FAM184A: variants seen among roughly 807,000 people sequenced by gnomAD.
FAM184A encodes the protein protein FAM184A.
FAM184A carries 99 observed loss-of-function variants against 143.8 expected under a neutral mutation model. That is an observed-to-expected ratio of 0.69 (90% CI 0.58 to 0.81). The LOEUF (loss-of-function observed/expected upper bound fraction) is 0.81. Among genes scored for constraint, FAM184A ranks in the 40% least tolerant of loss-of-function variants. The pLI is 0.00. For missense variants in FAM184A, 1,217 were observed against 1,310.5 expected (o/e 0.93, Z 1.10); for synonymous variants, 427 against 446.4 (o/e 0.96, Z 0.55).
chr6:119,097,278 T>A (rs1788532174), intron 1 of FAM184A, among the ~76,000 whole-genome samples: 1 of 152,166 alleles, frequency 6.6e-6, no homozygotes, highest in Non-Finnish European at 1.5e-5. Flanking sequence ...CTCCACCTCT[T>A]TTCCTCTTCC....
intron 11 of FAM184A, among the ~76,000 whole-genome samples, chr6:118,978,076 G>A (rs984213013): frequency 1.3e-5 from 2 of 152,018 alleles, no homozygotes; most frequent in African/African-American, 4.8e-5. Flanking sequence ...CGATTCTCCC[G>A]CCTCAGCCTC....
At chr6:118,998,751 C>T (rs1466841168) in intron 9 of FAM184A, among the ~76,000 whole-genome samples, 1 of 152,016 alleles carries the variant, frequency 6.6e-6, no homozygotes, top group African/African-American at 2.4e-5. Context: ...AAGGATCCAG[C>T]ATGGCTGTAA....
intron 1 of FAM184A, among the ~76,000 whole-genome samples, chr6:119,066,297 T>C (rs1787450338): frequency 6.6e-6 from 1 of 152,166 alleles, no homozygotes; most frequent in African/African-American, 2.4e-5. Context: ...GGAGAACTTG[T>C]TTCCCTGCCT....
intron 1 of FAM184A, among the ~76,000 whole-genome samples, chr6:119,113,609 A>G (rs547921213): frequency 6.6e-6 from 1 of 151,094 alleles, no homozygotes; most frequent in South Asian, 2.1e-4. Context: ...GTACAGTACA[A>G]TAAGATATTG....
intron 1 of FAM184A, among the ~76,000 whole-genome samples, chr6:119,057,643 T>C (rs1444965867): frequency 1.3e-5 from 2 of 151,958 alleles, no homozygotes; most frequent in East Asian, 3.9e-4. Context: ...TCGGGGGAGC[T>C]GAAGCAGGAG....
At chr6:118,998,305 T>C (rs1219153258) in intron 9 of FAM184A, among the ~76,000 whole-genome samples, 1 of 152,230 alleles carries the variant, frequency 6.6e-6, no homozygotes, top group Non-Finnish European at 1.5e-5. Context: ...GAATTATTTG[T>C]ATTTCATGTA....
chr6:119,063,199 TCA>T (rs1215681896), intron 1 of FAM184A, among the ~76,000 whole-genome samples: 1 of 152,064 alleles, frequency 6.6e-6, no homozygotes, highest in East Asian at 1.9e-4. Flanking sequence ...AAATGAATAA[TCA>T]GTTAGAAAAG....
In FAM184A at chr6:119,016,729, A is replaced by G. The variant is rs147168077; in HGVS notation, c.1530+18T>C. 1,589 of 1,593,440 alleles carry G rather than the reference A, an allele frequency of 1.0e-3. 3 individuals carry two copies. The highest frequency in any genetic ancestry group is 1.2e-3 in the Non-Finnish European group (1,406 of 1,161,494). ...ATCATCAATTTACAATGCAATGATA[A>G]ATTAAATTTTTACTCACCATTTGCA... On this transcript the variant is annotated intron_variant, in intron 5 of 17. Transcript: ENST00000338891.
chr6:118,997,455 C>T (rs552016008), intron 9 of FAM184A, among the ~76,000 whole-genome samples: 5 of 151,176 alleles, frequency 3.3e-5, no homozygotes, highest in South Asian at 2.1e-4. Context: ...TTTGGGAGGC[C>T]GAAGCAGGTG....
At position 119,020,037 on chromosome 6, in the gene FAM184A, G is replaced by A. The variant is rs376027717; in HGVS notation, c.1273C>T (p.Arg425Ter). 27 of 1,603,350 alleles carry A rather than the reference G, an allele frequency of 1.7e-5. No individual in the cohort carries two copies. The highest frequency in any genetic ancestry group is 9.4e-5 in the African/African-American group (7 of 74,148). ...TCATCCAGACTTTGGGTTTTGCTTC[G>A]CAAAAAAGCTCTTTCCTCTTCAAGT... Reference protein sequence around the residue: ...SQLEEERAFLRSKTQSLDEEQ... With the variant: ...SQLEEERAFL Residue 425 changes from arginine to a stop codon, truncating the protein, a stop_gained, in exon 4 of 18, where the codon CGA (arginine) becomes TGA (stop). Coordinates refer to ENST00000338891, the MANE Select transcript of FAM184A (RefSeq NM_024581.6). LOFTEE classifies it high-confidence loss of function.
chr6:119,046,758 A>G (rs545994714), intron 1 of FAM184A, among the ~76,000 whole-genome samples: 3 of 152,344 alleles, frequency 2.0e-5, no homozygotes, highest in Non-Finnish European at 4.4e-5. Flanking sequence ...AGGAATGCAG[A>G]GCAGATCTTA....
intron 14 of FAM184A, among the ~76,000 whole-genome samples, chr6:118,969,898 T>G (rs1783624114): frequency 7.2e-6 from 1 of 138,720 alleles, no homozygotes; most frequent in South Asian, 2.3e-4. Flanking sequence ...ACATGTGGAG[T>G]TTGGTTTTGT....
chr6:118,966,873 TG>T lies in FAM184A; in HGVS notation c.2994del (p.Met999CysfsTer9). 1.9e-6 allele frequency: 3 copies of T among 1,597,014 alleles called. No individual in the cohort carries two copies. The highest frequency in any genetic ancestry group is 2.6e-6 in the Non-Finnish European group (3 of 1,167,360). On this transcript the variant is annotated frameshift_variant, in exon 15 of 18. Transcript: ENST00000338891. LOFTEE classifies it high-confidence loss of function. The stretch of plus-strand genomic sequence containing the variant: ...ATGATCTGGTCTCTTTCTGTAAGCA[TG>T]GCTTTTAATTCTGTAATCATCTGTA... ...EDIQMITELK[A>X]MLTERDQIIK...
chr6:119,137,475 C>A (rs985582439), intron 1 of FAM184A, among the ~76,000 whole-genome samples: 1 of 152,176 alleles, frequency 6.6e-6, no homozygotes, highest in Non-Finnish European at 1.5e-5. Flanking sequence ...AATTGGACCT[C>A]ATTTAATCTT....
chr6:119,065,594 CTCAT>C (rs1392051762), intron 1 of FAM184A, among the ~76,000 whole-genome samples: 1 of 152,192 alleles, frequency 6.6e-6, no homozygotes, highest in Non-Finnish European at 1.5e-5. Flanking sequence ...CATTCACTCT[CTCAT>C]TCATTCAGGA....
At chr6:119,122,783 A>G (rs1218845647) in intron 1 of FAM184A, among the ~76,000 whole-genome samples, 1 of 151,928 alleles carries the variant, frequency 6.6e-6, no homozygotes, top group East Asian at 1.9e-4. Context: ...TTAGCTGGGC[A>G]TGGTAGCATG....
At chr6:118,975,272 G>A (rs562964623) in intron 12 of FAM184A, 64 bp from the exon 13 acceptor site, 16 of 1,191,168 alleles carry the variant, frequency 1.3e-5, no homozygotes, top group East Asian at 5.0e-5. Flanking sequence ...GTTTATCTGC[G>A]GGAAAGAAAA....
At chr6:119,043,981 AGAAG>A (rs916366012) in intron 1 of FAM184A, among the ~76,000 whole-genome samples, 2 of 152,240 alleles carry the variant, frequency 1.3e-5, no homozygotes, top group Non-Finnish European at 2.9e-5. Flanking sequence ...AACCCAAAAC[AGAAG>A]GAAGAAAACA....
intron 12 of FAM184A, among the ~76,000 whole-genome samples, chr6:118,975,551 T>C (rs1284717100): frequency 6.6e-6 from 1 of 152,242 alleles, no homozygotes; most frequent in Admixed American, 6.5e-5. Context: ...TCAGTAAGTT[T>C]TACATGATTT....
Sources: allele counts gnomAD v4.1 joint callset (sites outside exome capture counted in the v4.1 genomes callset), GRCh38; gene constraint gnomAD v4.1.1; transcripts MANE v1.5; gene names NCBI Gene and HGNC (gene_info 2026-07-23, HGNC 2026-07-21).